The following MARCHF8 variants were observed in gnomAD, a reference collection of about 807,000 sequenced individuals.
The protein encoded by MARCHF8 is E3 ubiquitin-protein ligase MARCHF8.
Under a neutral mutation model 51.6 loss-of-function variants are expected in MARCHF8, and 40 were observed. The observed-to-expected ratio is 0.77, with a 90% CI of 0.60 to 1.01. The LOEUF is 1.01. Ranked by LOEUF, MARCHF8 falls within the 50% of genes least tolerant of loss-of-function variation. MARCHF8 has a pLI of 0.00. For missense variants in MARCHF8, 685 were observed against 708.6 expected, an observed-to-expected ratio of 0.97 and a Z score of 0.38; for synonymous variants, 263 against 280.3, an observed-to-expected ratio of 0.94 and a Z score of 0.62.
At chr10:45,507,206 CGT>C (rs1413178023) in intron 2 of MARCHF8, among the ~76,000 whole-genome samples, 1 of 151,832 alleles carries the variant, frequency 6.6e-6, no homozygotes, top group Non-Finnish European at 1.5e-5. Context: ...TACAACACTA[CGT>C]GTGAGGTAGT....
intron 3 of MARCHF8, among the ~76,000 whole-genome samples, chr10:45,481,009 G>A (rs953111910): frequency 6.6e-6 from 1 of 152,260 alleles, no homozygotes; most frequent in African/African-American, 2.4e-5. Context: ...AGCTACAGGG[G>A]CAGAGCTGCC....
chr10:45,492,744 T>C (rs75712637), intron 2 of MARCHF8, among the ~76,000 whole-genome samples: 9,380 of 152,322 alleles, frequency 0.062, 330 homozygotes, highest in Non-Finnish European at 0.067. Flanking sequence ...CTACTATGTG[T>C]GAACAACTGT....
chr10:45,466,491 A>G (rs112016780), intron 3 of MARCHF8, among the ~76,000 whole-genome samples: 2,947 of 152,264 alleles, frequency 0.019, 47 homozygotes, highest in South Asian at 0.077. Context: ...CCTCATTGCT[A>G]TGAGGTCACT....
chr10:45,516,855 G>C (rs1190739473), intron 2 of MARCHF8, among the ~76,000 whole-genome samples: 1 of 152,126 alleles, frequency 6.6e-6, no homozygotes, highest in African/African-American at 2.4e-5. Flanking sequence ...ACCCAATCCA[G>C]AGCCTCAATC....
intron 6 of MARCHF8, chr10:45,460,012 G>A (rs1842735875): frequency 2.3e-6 from 1 of 437,522 alleles, no homozygotes; most frequent in Non-Finnish European, 3.0e-6. Context: ...TGAAAATAGA[G>A]CCTCAAGGAC....
intron 1 of MARCHF8, among the ~76,000 whole-genome samples, chr10:45,544,759 T>A (rs1300793804): frequency 6.6e-6 from 1 of 152,212 alleles, no homozygotes; most frequent in Non-Finnish European, 1.5e-5. Context: ...TGTCTCTAAC[T>A]GGATTACAAT....
intron 1 of MARCHF8, among the ~76,000 whole-genome samples, chr10:45,586,709 T>C (rs1038880150): frequency 6.6e-6 from 1 of 152,132 alleles, no homozygotes; most frequent in African/African-American, 2.4e-5. Context: ...TTAATAAATA[T>C]ATTGGGAATT....
intron 1 of MARCHF8, among the ~76,000 whole-genome samples, chr10:45,551,585 G>A (rs1055291544): frequency 9.2e-5 from 14 of 151,996 alleles, no homozygotes; most frequent in African/African-American, 3.1e-4. Context: ...CATAATGTGC[G>A]TGGGCCTCAA....
chr10:45,549,685 A>G (rs1191145542), intron 1 of MARCHF8, among the ~76,000 whole-genome samples: 2 of 152,268 alleles, frequency 1.3e-5, no homozygotes, highest in Non-Finnish European at 2.9e-5. Context: ...GACGTGATCA[A>G]GCCATGAGGG....
chr10:45,540,577 T>C lies in MARCHF8; in HGVS notation c.-78-7288A>G, dbSNP rs907873241. Reference sequence around the variant, plus strand: ...GCCAAAATTGACAAATGGGATCTAATTAAACTAAAGAGCTTCTGCACAGCA... The same window carrying C: ...GCCAAAATTGACAAATGGGATCTAACTAAACTAAAGAGCTTCTGCACAGCA... On this transcript the variant is annotated intron_variant, in intron 1 of 6. Coordinates refer to the MARCHF8 transcript ENST00000319836. Among the ~76,000 whole-genome samples, 1,041 of 152,268 alleles carry C rather than the reference T, an allele frequency of 6.8e-3. 6 individuals are homozygous for C. The highest frequency in any genetic ancestry group is 0.011 in the Admixed American group (169 of 15,296).
chr10:45,491,711 C>A (rs894614763), intron 2 of MARCHF8, among the ~76,000 whole-genome samples: 1 of 152,212 alleles, frequency 6.6e-6, no homozygotes, highest in Non-Finnish European at 1.5e-5. Context: ...TGCTGTGAGT[C>A]CCAATTTTAA....
chr10:45,524,272 G>A (rs866952074), intron 2 of MARCHF8, among the ~76,000 whole-genome samples: 1 of 152,236 alleles, frequency 6.6e-6, no homozygotes, highest in South Asian at 2.1e-4. Flanking sequence ...GTCATCTTTG[G>A]TTCTTAAATG....
At chr10:45,560,556 T>C (rs566118377) in intron 1 of MARCHF8, among the ~76,000 whole-genome samples, 71 of 152,286 alleles carry the variant, frequency 4.7e-4, no homozygotes, top group African/African-American at 1.5e-3. Flanking sequence ...TGCCAGCTTG[T>C]CAAGGCCGCA....
intron 1 of MARCHF8, among the ~76,000 whole-genome samples, chr10:45,564,618 A>G (rs2044344601): frequency 6.6e-6 from 1 of 152,190 alleles, no homozygotes; most frequent in African/African-American, 2.4e-5. Flanking sequence ...AAAAATACTG[A>G]CTTATAAATC....
At position 45,461,222 on chromosome 10, in the gene MARCHF8, C is replaced by T; in HGVS notation, c.1269+9G>A. On this transcript the variant is annotated intron_variant, in intron 6 of 7. Transcript: ENST00000453424. ...CAGGAAGGGTGAAGCATCCCTTCCTCCCACGTACTTTTCTCAGTGGCTTCA... is the reference window on the plus strand; with the variant it reads ...CAGGAAGGGTGAAGCATCCCTTCCTTCCACGTACTTTTCTCAGTGGCTTCA... 6.7e-7 allele frequency: 1 copy of T among 1,501,704 alleles called. No homozygotes were observed. Among genetic ancestry groups the T allele is most frequent in the Non-Finnish European group, 8.9e-7 (1 of 1,120,018 alleles). The allele number at this position is 1,501,704 out of a possible 1,614,324, so 93.0% of individuals were successfully genotyped here. A position where few individuals can be genotyped will look rare whatever the true frequency, so the allele number is the denominator to read the frequency against.
At chr10:45,486,012 G>A (rs2042972652) in intron 3 of MARCHF8, among the ~76,000 whole-genome samples, 1 of 152,152 alleles carries the variant, frequency 6.6e-6, no homozygotes, top group South Asian at 2.1e-4. Flanking sequence ...ATCTTCCACA[G>A]GGGGCCTGCC....
chr10:45,470,751 C>CT (rs1564469705), intron 3 of MARCHF8, among the ~76,000 whole-genome samples: 1 of 152,186 alleles, frequency 6.6e-6, no homozygotes, highest in Non-Finnish European at 1.5e-5. Context: ...TAACGGTCAA[C>CT]TCGGCAGGCC....
At chr10:45,563,205 T>G (rs1321513788) in intron 1 of MARCHF8, among the ~76,000 whole-genome samples, 4 of 152,132 alleles carry the variant, frequency 2.6e-5, no homozygotes, top group African/African-American at 9.7e-5. Flanking sequence ...TTTTTTATTT[T>G]TTGTAGAGAC....
At chr10:45,581,360 T>C (rs1270721915) in intron 1 of MARCHF8, among the ~76,000 whole-genome samples, 1 of 152,130 alleles carries the variant, frequency 6.6e-6, no homozygotes, top group Admixed American at 6.5e-5. Context: ...TGGAGTCTAC[T>C]GCACAGTACA....
Sources: allele counts gnomAD v4.1 joint callset (sites outside exome capture counted in the v4.1 genomes callset), GRCh38; gene constraint gnomAD v4.1.1; transcripts MANE v1.5; gene names NCBI Gene and HGNC (gene_info 2026-07-23, HGNC 2026-07-21).